CDYL2: variants seen among roughly 807,000 people sequenced by gnomAD.
CDYL2 encodes chromodomain Y-like protein 2.
CDYL2 carries 23 observed loss-of-function variants against 49.4 expected under a neutral mutation model. The ratio of observed to expected loss-of-function variants is 0.47; its 90% CI spans 0.34 to 0.66. The LOEUF is 0.66. Among genes scored for constraint, CDYL2 ranks in the 30% least tolerant of loss-of-function variants. The pLI, the probability that CDYL2 is intolerant of heterozygous loss-of-function variation, is 0.01. For synonymous variants in CDYL2, 360 were observed against 268.8 expected (o/e 1.34, Z -3.32); for missense variants, 678 against 656.4 (o/e 1.03, Z -0.36).
At chr16:80,741,285 A>C (rs1006065451) in intron 1 of CDYL2, among the ~76,000 whole-genome samples, 2 of 151,748 alleles carry the variant, frequency 1.3e-5, no homozygotes, top group African/African-American at 4.8e-5. Context: ...AAGGGAAATT[A>C]TAAAATGCCT....
At chr16:80,762,618 C>A (rs1286816815) in intron 1 of CDYL2, among the ~76,000 whole-genome samples, 1 of 152,192 alleles carries the variant, frequency 6.6e-6, no homozygotes, top group Non-Finnish European at 1.5e-5. Context: ...GTATTTCATA[C>A]CTGCTAATTC....
At chr16:80,767,838 G>C (rs150819572) in intron 1 of CDYL2, among the ~76,000 whole-genome samples, 2 of 152,150 alleles carry the variant, frequency 1.3e-5, no homozygotes, top group Non-Finnish European at 1.5e-5. Context: ...AAAGGAGCTG[G>C]GGTTGAGTTG....
chr16:80,676,855 G>A (rs1448099278), intron 2 of CDYL2, among the ~76,000 whole-genome samples: 5 of 152,034 alleles, frequency 3.3e-5, no homozygotes, highest in African/African-American at 1.2e-4. Context: ...AGAATGTGTG[G>A]TCAGATGATC....
intron 2 of CDYL2, among the ~76,000 whole-genome samples, chr16:80,670,424 TC>T (rs1909453184): frequency 6.6e-6 from 1 of 152,120 alleles, no homozygotes. Context: ...TGTGTTTGCT[TC>T]CCCTTCCGCC....
At chr16:80,606,850 A>AT (rs1906359053) in intron 6 of CDYL2, among the ~76,000 whole-genome samples, 1 of 150,296 alleles carries the variant, frequency 6.7e-6, no homozygotes, top group Non-Finnish European at 1.5e-5. Flanking sequence ...CTTGGTTGTC[A>AT]CTTCTGTCTT....
chr16:80,763,858 C>T (rs551151371), intron 1 of CDYL2, among the ~76,000 whole-genome samples: 1 of 152,110 alleles, frequency 6.6e-6, no homozygotes, highest in African/African-American at 2.4e-5. Flanking sequence ...AGAGAACTTA[C>T]TTTCTGCTGG....
intron 1 of CDYL2, among the ~76,000 whole-genome samples, chr16:80,725,496 A>G (rs984451062): frequency 6.6e-6 from 1 of 152,198 alleles, no homozygotes; most frequent in Non-Finnish European, 1.5e-5. Context: ...CTCCTGGCCC[A>G]CAGTAGGTGC....
chr16:80,740,183 G>C (rs1056468099), intron 1 of CDYL2, among the ~76,000 whole-genome samples: 1 of 152,176 alleles, frequency 6.6e-6, no homozygotes, highest in Non-Finnish European at 1.5e-5. Flanking sequence ...TTGCTCTGTG[G>C]AATGAGCACG....
chr16:80,715,923 AAGT>A (rs1904782630), intron 1 of CDYL2, among the ~76,000 whole-genome samples: 1 of 152,204 alleles, frequency 6.6e-6, no homozygotes, highest in Non-Finnish European at 1.5e-5. Flanking sequence ...ATGGAAGAAG[AAGT>A]AGATTCTAAG....
In CDYL2 at chr16:80,633,052, A is replaced by C; in HGVS notation, c.801T>G (p.Ser267Arg). 3 of 1,614,122 alleles carry C rather than the reference A, an allele frequency of 1.9e-6. No homozygotes were observed. The highest frequency in any genetic ancestry group is 2.5e-6 in the Non-Finnish European group (3 of 1,180,000). ...EEGFTHILLS[S>R]QTSDNNALTP... is the part of the protein sequence containing the mutation. ...TCAGGGCATTGTTATCCGAGGTCTGACTGGACAGCAGGATGTGCGTGAACC... is the reference window on the plus strand; with the variant it reads ...TCAGGGCATTGTTATCCGAGGTCTGCCTGGACAGCAGGATGTGCGTGAACC... The change falls in exon 3 of 7, where the codon AGT becomes AGG. Residue 267 changes from serine (S) to arginine (R), a missense_variant. Around this residue, in one of 3 missense-constraint regions of CDYL2, gnomAD observed 478 missense variants for 427.0 expected, o/e 1.12. Transcript: ENST00000570137.
chr16:80,703,252 G>A (rs544866534), intron 1 of CDYL2, among the ~76,000 whole-genome samples: 1 of 152,246 alleles, frequency 6.6e-6, no homozygotes, highest in Admixed American at 6.5e-5. Flanking sequence ...TTCCTTTCAT[G>A]AACAGATAAA....
chr16:80,622,690 C>T (rs896479484), intron 3 of CDYL2, among the ~76,000 whole-genome samples: 24 of 152,140 alleles, frequency 1.6e-4, no homozygotes, highest in African/African-American at 5.8e-4. Context: ...AGGCAGGCTG[C>T]TTGCTCACCC....
At chr16:80,789,151 G>A (rs980025482) in intron 1 of CDYL2, among the ~76,000 whole-genome samples, 1 of 152,002 alleles carries the variant, frequency 6.6e-6, no homozygotes, top group Non-Finnish European at 1.5e-5. Context: ...TGGAGAAAAG[G>A]GAACACTCAT....
chr16:80,632,229 T>A (rs558208036), intron 3 of CDYL2, among the ~76,000 whole-genome samples: 22 of 152,230 alleles, frequency 1.4e-4, no homozygotes, highest in Non-Finnish European at 1.5e-4. Context: ...GGAATATTAT[T>A]TAGCCATAAA....
chr16:80,758,612 C>T (rs182198294), intron 1 of CDYL2, among the ~76,000 whole-genome samples: 6 of 149,522 alleles, frequency 4.0e-5, no homozygotes, highest in Admixed American at 6.7e-5. Context: ...GCACGATCTC[C>T]GCTCACTGCA....
At chr16:80,706,983 A>C (rs1247429034) in intron 1 of CDYL2, among the ~76,000 whole-genome samples, 1 of 152,068 alleles carries the variant, frequency 6.6e-6, no homozygotes, top group Non-Finnish European at 1.5e-5. Context: ...TTTTCCACCC[A>C]TGTTCTGGGA....
intron 1 of CDYL2, among the ~76,000 whole-genome samples, chr16:80,707,106 T>C (rs562527445): frequency 5.8e-4 from 88 of 152,318 alleles, no homozygotes; most frequent in Admixed American, 3.2e-3. Context: ...GGATTCAGTA[T>C]AGCCATTATG....
chr16:80,599,601 C>T lies in CDYL2; in HGVS notation c.*4787G>A, dbSNP rs1288203269. The T allele has an allele frequency of 7.2e-5, 11 of 152,266 alleles. No homozygotes were observed. In the East Asian group the frequency reaches 2.1e-3, roughly 29 times the overall value. The allele number at this position is 152,266 out of a possible 1,614,324, so 9.4% of individuals were successfully genotyped here. A position where few individuals can be genotyped will look rare whatever the true frequency, so the allele number is the denominator to read the frequency against. On this transcript the variant is annotated 3_prime_UTR_variant, in exon 7 of 7. Transcript: ENST00000570137. ...ACACATGGGAATGCTGATTGTGTAA[C>T]TAAAATTGACTTCAGATTGTCTACA...
intron 1 of CDYL2, among the ~76,000 whole-genome samples, chr16:80,793,968 C>T (rs914112328): frequency 2.0e-5 from 3 of 152,168 alleles, no homozygotes; most frequent in Non-Finnish European, 4.4e-5. Context: ...CTTTGATTTG[C>T]TATGAAAGTA....
Sources: gnomAD v4.1 joint callset for allele counts (sites outside exome capture counted in the v4.1 genomes callset) on GRCh38, gnomAD v4.1.1 for gene constraint, gnomAD v4.1.1 regional missense constraint, MANE v1.5 for transcripts, NCBI Gene and HGNC (gene_info 2026-07-23, HGNC 2026-07-21) for gene names.